OLA1: variants seen among roughly 807,000 people sequenced by gnomAD.
OLA1 encodes obg-like ATPase 1.
In OLA1, 14 loss-of-function variants were observed where a neutral mutation model predicts 48.4. The ratio of observed to expected loss-of-function variants is 0.29; its 90% CI spans 0.19 to 0.45. OLA1 has a LOEUF of 0.45. OLA1 is among the 20% of genes least tolerant of loss of function. The pLI is 1.00. For synonymous variants in OLA1, 127 were observed against 150.4 expected, an observed-to-expected ratio of 0.84 and a Z score of 1.14; for missense variants, 325 against 467.1, an observed-to-expected ratio of 0.70 and a Z score of 2.80.
intron 7 of OLA1, among the ~76,000 whole-genome samples, chr2:174,090,567 CA>C (rs1261860361): frequency 6.6e-6 from 1 of 152,144 alleles, no homozygotes; most frequent in Non-Finnish European, 1.5e-5. Flanking sequence ...GAAAAAGAAC[CA>C]AAAGGCTCCT....
At chr2:174,172,233 C>T in intron 4 of OLA1, 2 of 213,248 alleles carry the variant, frequency 9.4e-6, no homozygotes, top group South Asian at 1.8e-4. Flanking sequence ...TGGTGGAGTT[C>T]CAGTTCAAGG....
chr2:174,106,258 A>C (rs1013398276), intron 7 of OLA1, among the ~76,000 whole-genome samples: 1 of 152,152 alleles, frequency 6.6e-6, no homozygotes, highest in Non-Finnish European at 1.5e-5. Context: ...AACCAAATTC[A>C]TTAACTAAAA....
At chr2:174,088,439 C>G (rs1167946614) in intron 7 of OLA1, among the ~76,000 whole-genome samples, 1 of 152,134 alleles carries the variant, frequency 6.6e-6, no homozygotes, top group Non-Finnish European at 1.5e-5. Flanking sequence ...AGGTTTATAA[C>G]CTGCACTAAA....
chr2:174,195,521 T>C (rs1687862658), intron 4 of OLA1, among the ~76,000 whole-genome samples: 2 of 152,214 alleles, frequency 1.3e-5, no homozygotes, highest in South Asian at 4.1e-4. Flanking sequence ...TACATTATAC[T>C]GCTCACATCA....
At chr2:174,086,669 GCTA>G (rs1215666615) in intron 7 of OLA1, among the ~76,000 whole-genome samples, 1 of 152,168 alleles carries the variant, frequency 6.6e-6, no homozygotes, top group Non-Finnish European at 1.5e-5. Context: ...AACCAAGACG[GCTA>G]CTAAGTGACT....
chr2:174,136,949 A>G (rs532877276), intron 5 of OLA1, among the ~76,000 whole-genome samples: 31 of 152,254 alleles, frequency 2.0e-4, no homozygotes, highest in African/African-American at 6.5e-4. Context: ...TGCTGGGATT[A>G]TAGGCGTGAG....
At position 174,091,869 on chromosome 2, in the gene OLA1, C is replaced by CAAAAAAAAA; in HGVS notation, c.729-9814_729-9806dup. 2.9e-3 allele frequency among the ~76,000 whole-genome samples: 66 copies of CAAAAAAAAA among 22,984 alleles called. 22 individuals are homozygous for CAAAAAAAAA. The highest frequency in any genetic ancestry group is 4.8e-3 in the Non-Finnish European group (50 of 10,402). 15.1% of individuals were successfully genotyped at this position (22,984 alleles called of 152,430 possible). On this transcript the variant is annotated intron_variant, in intron 7 of 10. Transcript: ENST00000284719. ...CCTGGGAGACAGCGAGACTCTGCCT[C>CAAAAAAAAA]AAAAAAAAAAAAAAAAAAAAAAAAA...
chr2:174,172,859 TTGGTGC>T (rs1486570915), intron 4 of OLA1: 1 of 152,444 alleles, frequency 6.6e-6, no homozygotes, highest in Non-Finnish European at 1.5e-5. Context: ...CATGAAAGAC[TTGGTGC>T]TGTCCTCACC....
intron 4 of OLA1, among the ~76,000 whole-genome samples, chr2:174,221,637 A>G (rs1688508513): frequency 6.6e-6 from 1 of 152,160 alleles, no homozygotes; most frequent in Non-Finnish European, 1.5e-5. Flanking sequence ...TCTGACAGAC[A>G]CCTATCAGGA....
intron 4 of OLA1, among the ~76,000 whole-genome samples, chr2:174,205,800 C>T (rs1574550300): frequency 6.6e-6 from 1 of 152,128 alleles, no homozygotes; most frequent in Non-Finnish European, 1.5e-5. Context: ...AAATTCCAGG[C>T]ACATGGACAG....
chr2:174,085,650 T>C (rs939440366), intron 7 of OLA1, among the ~76,000 whole-genome samples: 4 of 152,314 alleles, frequency 2.6e-5, no homozygotes, highest in Non-Finnish European at 5.9e-5. Flanking sequence ...AAATTTACTT[T>C]TAGCCTTGTG....
chr2:174,193,095 T>C (rs987576997), intron 4 of OLA1, among the ~76,000 whole-genome samples: 6 of 150,292 alleles, frequency 4.0e-5, no homozygotes, highest in South Asian at 2.1e-4. Context: ...TTCTTTCTTT[T>C]TTTTTTTTTT....
chr2:174,141,887 T>G lies in OLA1; in HGVS notation c.487A>C (p.Ile163Leu). ...GCCACCTTTTCTAGTTTATCTATAA[T>G]GGGCCCAATCATTTCCTCATCTTTA... The part of the protein sequence containing the change: ...QLKDEEMIGP[I>L]IDKLEKVAVR... Residue 163 changes from isoleucine to leucine, a missense_variant, in exon 5 of 11, where the codon ATT (isoleucine) becomes CTT (leucine). Coordinates refer to ENST00000284719, the MANE Select transcript of OLA1 (RefSeq NM_013341.5). The G allele has an allele frequency of 1.2e-6, 2 of 1,612,446 alleles. No individual in the cohort carries two copies. The highest frequency in any genetic ancestry group is 1.7e-6 in the Non-Finnish European group (2 of 1,179,780).
At chr2:174,146,129 T>C (rs932548589) in intron 4 of OLA1, among the ~76,000 whole-genome samples, 6 of 144,648 alleles carry the variant, frequency 4.1e-5, no homozygotes, top group African/African-American at 1.3e-4. Context: ...ATGGTCAGTA[T>C]AGGTGAACCA....
intron 1 of OLA1, chr2:174,248,007 G>A (rs993643391): frequency 2.2e-6 from 1 of 458,764 alleles, no homozygotes; most frequent in Non-Finnish European, 3.9e-6. Flanking sequence ...TGCCCTTGCA[G>A]TAGTATTCCA....
intron 4 of OLA1, among the ~76,000 whole-genome samples, chr2:174,173,502 A>G (rs1402978064): frequency 6.6e-6 from 1 of 152,154 alleles, no homozygotes; most frequent in African/African-American, 2.4e-5. Context: ...GTATTTGTTC[A>G]AGTTAAGATT....
chr2:174,201,268 G>A (rs1687984291), intron 4 of OLA1, among the ~76,000 whole-genome samples: 1 of 152,118 alleles, frequency 6.6e-6, no homozygotes, highest in African/African-American at 2.4e-5. Context: ...TAAAATGATG[G>A]GTTTCAGGTC....
At chr2:174,146,359 C>G (rs1355085861) in intron 4 of OLA1, among the ~76,000 whole-genome samples, 1 of 152,102 alleles carries the variant, frequency 6.6e-6, no homozygotes. Flanking sequence ...AGAGAGGAGG[C>G]AAGAATGACT....
chr2:174,178,490 T>C (rs1418649234), intron 4 of OLA1, among the ~76,000 whole-genome samples: 1 of 151,940 alleles, frequency 6.6e-6, no homozygotes, highest in East Asian at 1.9e-4. Flanking sequence ...GATCAAAATT[T>C]AATTAATTCA....
Sources: allele counts gnomAD v4.1 joint callset (sites outside exome capture counted in the v4.1 genomes callset), GRCh38; gene constraint gnomAD v4.1.1; transcripts MANE v1.5; gene names NCBI Gene and HGNC (gene_info 2026-07-23, HGNC 2026-07-21).